SNX1: variants seen among roughly 807,000 people sequenced by gnomAD.
The protein encoded by SNX1 is sorting nexin 1, also known as sorting nexin-1.
A neutral mutation model predicts 71.8 loss-of-function variants in SNX1; 36 were observed. That is an observed-to-expected ratio of 0.50 (90% CI 0.38 to 0.66). The LOEUF is 0.66. SNX1 is among the 30% of genes least tolerant of loss of function. The probability of loss-of-function intolerance (pLI) is 0.00; values close to 1 mark genes in which losing one functional copy is unlikely to be tolerated. For synonymous variants in SNX1, 254 were observed against 240.7 expected (o/e 1.06, Z -0.51); for missense variants, 612 against 646.7 (o/e 0.95, Z 0.58).
chr15:64,136,542 T>G, intron 13 of SNX1, 132 bp downstream of exon 13: 1 of 759,082 alleles, frequency 1.3e-6, no homozygotes, highest in South Asian at 1.5e-5. Context: ...AGGCGTGGCC[T>G]TCTTTGGGGG....
At chr15:64,101,028 C>T (rs2080956124) in intron 1 of SNX1, among the ~76,000 whole-genome samples, 1 of 152,160 alleles carries the variant, frequency 6.6e-6, no homozygotes, top group Admixed American at 6.5e-5. Context: ...CTCTTAACTA[C>T]TGGGCTCAAG....
intron 4 of SNX1, among the ~76,000 whole-genome samples, chr15:64,119,665 A>C (rs1252715152): frequency 6.6e-6 from 1 of 151,536 alleles, no homozygotes; most frequent in African/African-American, 2.4e-5. Flanking sequence ...TGGAGGCTGC[A>C]GTGAGCTGAG....
At chr15:64,100,805 ATTTG>A (rs149507396) in intron 1 of SNX1, among the ~76,000 whole-genome samples, 6,664 of 152,080 alleles carry the variant, frequency 0.044, 162 homozygotes, top group South Asian at 0.08. Flanking sequence ...AAAGCTTTTT[ATTTG>A]TTTGTTGATA....
chr15:64,110,375 T>C (rs2081066616), intron 1 of SNX1, among the ~76,000 whole-genome samples: 1 of 152,138 alleles, frequency 6.6e-6, no homozygotes, highest in South Asian at 2.1e-4. Flanking sequence ...TAAGGGAACA[T>C]AAGTCTGTTT....
chr15:64,126,256 T>C (rs777248538), intron 6 of SNX1, 36 bp downstream of exon 6: 20 of 1,598,430 alleles, frequency 1.3e-5, no homozygotes, highest in Non-Finnish European at 1.7e-5. Context: ...TTGGATTGTT[T>C]TCCTTTGCAT....
rs1319106861 is a variant in SNX1, at chr15:64,134,650, C to G, written c.1222-14C>G. 1 of 1,605,420 alleles carries G rather than the reference C, an allele frequency of 6.2e-7. No homozygotes were observed. Among genetic ancestry groups the G allele is most frequent in the Non-Finnish European group, 8.5e-7 (1 of 1,175,796 alleles). Reference sequence around the variant, plus strand: ...AAGAGCTGGTTGTGCTCCTCCTCAACCCCACCCCCACAGGCTGCCTTCGAC... The same window carrying G: ...AAGAGCTGGTTGTGCTCCTCCTCAAGCCCACCCCCACAGGCTGCCTTCGAC... On this transcript the variant is annotated splice_polypyrimidine_tract_variant and intron_variant, in intron 11 of 14. Coordinates refer to ENST00000559844, the MANE Select transcript of SNX1 (RefSeq NM_003099.5). This position sits in a 1 kb window ranked among gnomAD's most constrained non-coding sequence, Gnocchi z 4.1.
intron 1 of SNX1, 47 bp downstream of exon 1, chr15:64,096,219 G>A: frequency 6.5e-7 from 1 of 1,534,286 alleles, no homozygotes; most frequent in Non-Finnish European, 8.7e-7. Flanking sequence ...CACCCCGAAA[G>A]GGAAGAGAGG....
chr15:64,119,889 G>T (rs1176860776), intron 4 of SNX1, among the ~76,000 whole-genome samples: 1 of 152,092 alleles, frequency 6.6e-6, no homozygotes, highest in East Asian at 1.9e-4. Context: ...CCCTCAAGAA[G>T]TTTGAAACTC....
At position 64,143,915 on chromosome 15, in the gene SNX1, T is replaced by C. The variant is rs958493364; in HGVS notation, c.*6297T>C. 6.6e-6 allele frequency: 1 copy of C among 152,216 alleles called. No individual in the cohort carries two copies. Among genetic ancestry groups the C allele is most frequent in the African/African-American group, 2.4e-5 (1 of 41,452 alleles). The allele number at this position is 152,216 out of a possible 1,614,324, so 9.4% of individuals were successfully genotyped here. A position where few individuals can be genotyped will look rare whatever the true frequency, so the allele number is the denominator to read the frequency against. ...AATTGAAATGTCCATCAGGAGGGGA[T>C]TAAATGAATTATGGTACAGTTACAC... On this transcript the variant is annotated 3_prime_UTR_variant, in exon 15 of 15. Transcript: ENST00000559844.
At chr15:64,117,373 A>G (rs1434180108) in intron 2 of SNX1, among the ~76,000 whole-genome samples, 2 of 151,608 alleles carry the variant, frequency 1.3e-5, no homozygotes, top group African/African-American at 4.8e-5. Flanking sequence ...TCCTGCCTCA[A>G]CCTCCCAGTA....
intron 11 of SNX1, among the ~76,000 whole-genome samples, chr15:64,133,549 G>A (rs981276338): frequency 3.3e-5 from 5 of 152,172 alleles, no homozygotes; most frequent in African/African-American, 1.2e-4. Flanking sequence ...GGCCAGTGTG[G>A]CGAAACCCCA....
At chr15:64,115,326 C>G (rs541872263) in intron 2 of SNX1, among the ~76,000 whole-genome samples, 2 of 152,298 alleles carry the variant, frequency 1.3e-5, no homozygotes, top group Admixed American at 6.5e-5. Flanking sequence ...TACAATGAGA[C>G]ACTTAGTTTA....
At chr15:64,112,404 T>C (rs1192412400) in intron 1 of SNX1, among the ~76,000 whole-genome samples, 169 bp from the exon 2 acceptor site, 1 of 152,234 alleles carries the variant, frequency 6.6e-6, no homozygotes, top group Admixed American at 6.5e-5. Context: ...TATGGACTTA[T>C]TTTTGCTCTG....
At chr15:64,136,650 C>T (rs1459324067) in intron 13 of SNX1, among the ~76,000 whole-genome samples, 3 of 152,102 alleles carry the variant, frequency 2.0e-5, no homozygotes, top group African/African-American at 7.2e-5. Context: ...ACCCTCGGTC[C>T]CCTGTCGTTT....
intron 10 of SNX1, among the ~76,000 whole-genome samples, chr15:64,131,306 T>C (rs965218434): frequency 2.0e-5 from 3 of 152,206 alleles, no homozygotes; most frequent in Non-Finnish European, 4.4e-5. Context: ...GATGTGCACA[T>C]GTATTCACTC....
intron 5 of SNX1, among the ~76,000 whole-genome samples, chr15:64,125,074 T>C (rs1227700912): frequency 3.3e-5 from 5 of 152,186 alleles, no homozygotes; most frequent in Non-Finnish European, 7.3e-5. Flanking sequence ...TTTCATCCAA[T>C]TCCCACCCTG....
intron 11 of SNX1, among the ~76,000 whole-genome samples, chr15:64,132,966 A>G (rs1382306986): frequency 1.3e-5 from 2 of 152,202 alleles, no homozygotes; most frequent in Non-Finnish European, 2.9e-5. Context: ...CTCTGGGGGA[A>G]GCTTTCTATG....
chr15:64,127,384 T>A (rs1395770729), intron 7 of SNX1, 132 bp downstream of exon 7: 2 of 700,118 alleles, frequency 2.9e-6, no homozygotes, highest in Non-Finnish European at 4.8e-6. Context: ...CACCTCCATA[T>A]TATCTCTTAA....
chr15:64,134,801 C>T lies in SNX1; in HGVS notation c.1359C>T (p.Ile453=), dbSNP rs773170468. ...AGCTGCAGCAGGCCAAGGACGAGATCCTCGAGGTGAGTCCACTGAGGCAGC... is the reference window on the plus strand; with the variant it reads ...AGCTGCAGCAGGCCAAGGACGAGATTCTCGAGGTGAGTCCACTGAGGCAGC... ...PDKLQQAKDE[I]LEWESRVTQY... is the part of the protein sequence containing the mutation. The change falls in exon 12 of 15, where the codon ATC becomes ATT. Residue 453 remains isoleucine (I), a synonymous_variant. Coordinates refer to ENST00000559844, the MANE Select transcript of SNX1 (RefSeq NM_003099.5). This position sits in a 1 kb window ranked among gnomAD's most constrained non-coding sequence, Gnocchi z 4.1. 1.2e-6 allele frequency: 2 copies of T among 1,613,858 alleles called. No homozygotes were observed. Among genetic ancestry groups the T allele is most frequent in the South Asian group, 2.2e-5 (2 of 91,070 alleles).
Sources: allele counts gnomAD v4.1 joint callset (sites outside exome capture counted in the v4.1 genomes callset), GRCh38; gene constraint gnomAD v4.1.1; non-coding constraint Gnocchi (gnomAD v3.1); transcripts MANE v1.5; gene names NCBI Gene and HGNC (gene_info 2026-07-23, HGNC 2026-07-21).